Variants in PLCG2 observed in about 807,000 individuals in gnomAD.
The protein encoded by PLCG2 is 1-phosphatidylinositol 4,5-bisphosphate phosphodiesterase gamma-2.
In PLCG2, 69 loss-of-function variants were observed where a neutral mutation model predicts 175.6. The ratio of observed to expected loss-of-function variants is 0.39; its 90% CI spans 0.32 to 0.48. The LOEUF is 0.48. Among genes scored for constraint, PLCG2 ranks in the 20% least tolerant of loss-of-function variants. The pLI, the probability that PLCG2 is intolerant of heterozygous loss-of-function variation, is 0.91. For missense variants in PLCG2, 1,798 were observed against 1,650.9 expected (o/e 1.09, Z -1.54); for synonymous variants, 827 against 624.0 (o/e 1.33, Z -4.85).
At chr16:81,938,231 T>A (rs1035195080) in intron 28 of PLCG2, among the ~76,000 whole-genome samples, 1 of 152,148 alleles carries the variant, frequency 6.6e-6, no homozygotes, top group African/African-American at 2.4e-5. Flanking sequence ...AGCCATTTGG[T>A]CTTAATGGAG....
intron 2 of PLCG2, among the ~76,000 whole-genome samples, chr16:81,838,659 G>C (rs565700465): frequency 6.6e-6 from 1 of 152,086 alleles, no homozygotes; most frequent in Admixed American, 6.6e-5. Context: ...CCTAATGCCT[G>C]CAGGGTTTAA....
In PLCG2 at chr16:81,918,749, G is replaced by C. The variant is rs116793633; in HGVS notation, c.2055-735G>C. Among the ~76,000 whole-genome samples the C allele has an allele frequency of 8.2e-3, 1,254 of 152,250 alleles. 12 individuals carry two copies. Among genetic ancestry groups the C allele is most frequent in the African/African-American group, 0.029 (1,196 of 41,554 alleles). On this transcript the variant is annotated intron_variant, in intron 19 of 32. Coordinates refer to ENST00000564138, the MANE Select transcript of PLCG2 (RefSeq NM_002661.5). ...TATTTGGGGTAGACATTTTTAAAAA[G>C]ACCCTCTTGGCTGTAAACTTAGGGT...
intron 13 of PLCG2, among the ~76,000 whole-genome samples, chr16:81,896,529 C>A (rs191903474): frequency 6.6e-6 from 1 of 151,882 alleles, no homozygotes; most frequent in Non-Finnish European, 1.5e-5. Context: ...AGTGAGGTCA[C>A]ATTGCGCCAC....
intron 24 of PLCG2, chr16:81,931,247 A>C (rs1286262060): frequency 8.6e-6 from 3 of 348,290 alleles, no homozygotes; most frequent in African/African-American, 2.1e-5. Context: ...CGACCCTATA[A>C]GGTCCCATTC....
At chr16:81,768,093 T>C (rs1910193363) in intron 2 of PLCG2, among the ~76,000 whole-genome samples, 1 of 152,172 alleles carries the variant, frequency 6.6e-6, no homozygotes, top group Non-Finnish European at 1.5e-5. Flanking sequence ...TTTCACCATG[T>C]TGACCAGGCT....
intron 1 of PLCG2, 132 bp from the exon 2 acceptor site, chr16:81,785,811 G>T: frequency 3.4e-6 from 2 of 592,734 alleles, no homozygotes; most frequent in East Asian, 2.9e-5. Context: ...GCGATGCCTT[G>T]CCACTAGAAC....
rs375876385 is a variant in PLCG2 at position 81,895,820 on chromosome 16, C to T, written c.1086C>T (p.Asp362=). The change falls in exon 13 of 33, where the codon GAC becomes GAT. Residue 362 remains aspartate, a synonymous_variant. Transcript: ENST00000564138. The part of the protein sequence containing the change: ...GCRCIELDCW[D]GPDGKPVIYH... ...TTCTCCCTGTAGTGGACTGCTGGGA[C>T]GGGCCCGATGGGAAGCCGGTCATCT... 6.1e-5 allele frequency: 98 copies of T among 1,614,086 alleles called. No individual in the cohort carries two copies. Among genetic ancestry groups the T allele is most frequent in the South Asian group, 4.2e-4 (38 of 91,078 alleles).
At chr16:81,760,862 C>G (rs1597305516) in intron 2 of PLCG2, among the ~76,000 whole-genome samples, 2 of 152,118 alleles carry the variant, frequency 1.3e-5, no homozygotes, top group South Asian at 2.1e-4. Context: ...GCTAGGAGCT[C>G]AAGGCCAGCC....
chr16:81,828,235 ATTTTTTTTTT>A (rs67992648), intron 2 of PLCG2, among the ~76,000 whole-genome samples: 13 of 59,400 alleles, frequency 2.2e-4, no homozygotes, highest in African/African-American at 2.7e-4. Flanking sequence ...GAGAAATGTC[ATTTTTTTTTT>A]TTTTTTTTTT....
intron 1 of PLCG2, among the ~76,000 whole-genome samples, chr16:81,748,783 C>G (rs1236457602): frequency 6.6e-6 from 1 of 152,184 alleles, no homozygotes; most frequent in Non-Finnish European, 1.5e-5. Context: ...ACTTTCATAT[C>G]TGTTTCCACA....
chr16:81,797,821 T>G (rs2143229713), intron 2 of PLCG2, among the ~76,000 whole-genome samples: 1 of 150,754 alleles, frequency 6.6e-6, no homozygotes, highest in African/African-American at 2.4e-5. Flanking sequence ...TGAGTCTCAG[T>G]TTTCTTTTTT....
chr16:81,922,583 C>G (rs938791973), intron 21 of PLCG2, among the ~76,000 whole-genome samples: 21 of 152,150 alleles, frequency 1.4e-4, no homozygotes, highest in African/African-American at 4.8e-4. Flanking sequence ...AACTGAGGAT[C>G]AGAGAGACTC....
intron 28 of PLCG2, 115 bp downstream of exon 28, chr16:81,938,018 A>G: frequency 1.1e-6 from 1 of 876,282 alleles, no homozygotes; most frequent in Non-Finnish European, 1.8e-6. Context: ...GTCTTGTTTA[A>G]ACGATCCCCA....
Position 81,961,802 on chromosome 16 carries a change from G to T in PLCG2, c.*3804G>T. ...TTTAAACATGTAGTGTCTACGGTATGCCAGCACTTTGCAGCTATTTATAAT... is the reference window on the plus strand; with the variant it reads ...TTTAAACATGTAGTGTCTACGGTATTCCAGCACTTTGCAGCTATTTATAAT... On this transcript the variant is annotated 3_prime_UTR_variant, in exon 33 of 33. Transcript: ENST00000564138. The T allele has an allele frequency of 4.9e-6, 1 of 203,630 alleles. No homozygotes were observed. The highest frequency in any genetic ancestry group is 2.3e-5 in the African/African-American group (1 of 43,784). The allele number at this position is 203,630 out of a possible 1,614,324, so 12.6% of individuals were successfully genotyped here. A position where few individuals can be genotyped will look rare whatever the true frequency, so the allele number is the denominator to read the frequency against.
chr16:81,907,577 A>G, intron 15 of PLCG2, 108 bp from the exon 16 acceptor site: 1 of 602,842 alleles, frequency 1.7e-6, no homozygotes, highest in Non-Finnish European at 3.0e-6. Context: ...GAAACTGGGA[A>G]AAGCACATCC....
intron 25 of PLCG2, among the ~76,000 whole-genome samples, chr16:81,933,576 GTTTTTTT>G (rs575035323): frequency 2.1e-5 from 3 of 143,894 alleles, no homozygotes; most frequent in Non-Finnish European, 4.6e-5. Context: ...GCTGTTTTTT[GTTTTTTT>G]TTTTTGAGAC....
At position 81,895,941 on chromosome 16, in the gene PLCG2, T is replaced by C; in HGVS notation, c.1193+14T>C. ...TGTTACCTCGAGGTCAGTTGGCTGA[T>C]TTCTGGGTGGTGTGACTTAAAGGGG... On this transcript the variant is annotated intron_variant, in intron 13 of 32. Transcript: ENST00000564138. 6.2e-7 allele frequency: 1 copy of C among 1,613,986 alleles called. No homozygotes were observed. Among genetic ancestry groups the C allele is most frequent in the Non-Finnish European group, 8.5e-7 (1 of 1,179,962 alleles).
At chr16:81,885,001 C>T (rs1003672133) in intron 9 of PLCG2, among the ~76,000 whole-genome samples, 37 of 151,916 alleles carry the variant, frequency 2.4e-4, no homozygotes, top group African/African-American at 7.0e-4. Context: ...GATCCTCCTG[C>T]CTCAGCCTCC....
rs1044632918 is a variant in PLCG2 at position 81,824,918 on chromosome 16, C to T, written c.194-29526C>T. On this transcript the variant is annotated intron_variant, in intron 2 of 32. Transcript: ENST00000564138. ...GACCCAGGTAGGCCCAATGTAATTA[C>T]AAGGATCTTTAAAAGAGGAAGGTAG... Among the ~76,000 whole-genome samples, 4 of 152,120 alleles carry T rather than the reference C, an allele frequency of 2.6e-5. No individual in the cohort carries two copies. In the East Asian group the frequency reaches 7.7e-4, roughly 29 times the overall value.
Sources: allele counts gnomAD v4.1 joint callset (sites outside exome capture counted in the v4.1 genomes callset), GRCh38; gene constraint gnomAD v4.1.1; transcripts MANE v1.5; gene names NCBI Gene and HGNC (gene_info 2026-07-23, HGNC 2026-07-21).